The following DNAAF4 variants were observed in gnomAD, a reference collection of about 807,000 sequenced individuals.
The protein encoded by DNAAF4 is dynein assembly factor 4, axonemal.
In DNAAF4, 43 loss-of-function variants were observed where a neutral mutation model predicts 51.8. The observed-to-expected ratio is 0.83, with a 90% CI of 0.65 to 1.07. The LOEUF is 1.07. DNAAF4 is among the 50% of genes least tolerant of loss of function. The pLI, the probability that DNAAF4 is intolerant of heterozygous loss-of-function variation, is 0.00. For synonymous variants in DNAAF4, 194 were observed against 165.6 expected (o/e 1.17, Z -1.32); for missense variants, 581 against 493.0 (o/e 1.18, Z -1.69).
At chr15:55,429,758 A>G (rs1239386630), downstream of DNAAF4, among the ~76,000 whole-genome samples, 1 of 151,612 alleles carries the variant, frequency 6.6e-6, no homozygotes. Context: ...CAGAGCTTGC[A>G]GTGAGCCAAG....
intron 2 of DNAAF4, 38 bp from the exon 3 acceptor site, chr15:55,497,897 C>G (rs1036159340): frequency 6.4e-7 from 1 of 1,567,554 alleles, no homozygotes. Context: ...AAGTTAGTTA[C>G]ACAAATTAAG....
chr15:55,501,252 C>T (rs570878316), intron 1 of DNAAF4, among the ~76,000 whole-genome samples: 2 of 151,650 alleles, frequency 1.3e-5, no homozygotes, highest in South Asian at 2.1e-4. Flanking sequence ...TTAGTAGGGA[C>T]GGGGTTTCAC....
intron 6 of DNAAF4, among the ~76,000 whole-genome samples, chr15:55,445,162 G>T (rs562068377): frequency 6.6e-6 from 1 of 151,250 alleles, no homozygotes; most frequent in African/African-American, 2.4e-5. Context: ...AAAGGTCTCT[G>T]GTTTTCCTAG....
intron 3 of DNAAF4, among the ~76,000 whole-genome samples, chr15:55,494,031 G>GTTT (rs58176526): frequency 1.4e-5 from 2 of 138,156 alleles, no homozygotes; most frequent in African/African-American, 2.6e-5. Flanking sequence ...TTTCTTTCTT[G>GTTT]TTTTTTTTTT....
chr15:55,445,983 C>A (rs2057798329), intron 6 of DNAAF4, among the ~76,000 whole-genome samples: 1 of 145,870 alleles, frequency 6.9e-6, no homozygotes, highest in Admixed American at 6.8e-5. Flanking sequence ...AGGCGCTCCT[C>A]ACATCCCAGA....
intron 7 of DNAAF4, chr15:55,418,741 A>G: frequency 1.9e-6 from 1 of 520,966 alleles, no homozygotes; most frequent in Non-Finnish European, 3.3e-6. Flanking sequence ...TTAAATGAAA[A>G]TATGTTCAAA....
Position 55,450,494 on chromosome 15 carries a change from G to C in DNAAF4, c.638-127C>G, listed in dbSNP as rs146625092. 716 of 1,147,066 alleles carry C rather than the reference G, an allele frequency of 6.2e-4. 5 individuals are homozygous for C. The African/African-American group carries it at 0.01, about 16-fold the overall frequency. 71.1% of individuals were successfully genotyped at this position (1,147,066 alleles called of 1,614,324 possible). A position where few individuals can be genotyped will look rare whatever the true frequency, so the allele number is the denominator to read the frequency against. On this transcript the variant is annotated intron_variant, in intron 5 of 9. Coordinates refer to ENST00000321149, the MANE Select transcript of DNAAF4 (RefSeq NM_130810.4). ...AACAAATAAATCAAATATATTTTCT[G>C]CAAGAAAAGAATGCAAAATTTAGCA...
At chr15:55,481,254 G>T (rs1036903074) in intron 4 of DNAAF4, among the ~76,000 whole-genome samples, 1 of 152,126 alleles carries the variant, frequency 6.6e-6, no homozygotes, top group Non-Finnish European at 1.5e-5. Flanking sequence ...TAGAGGGAAA[G>T]CACTGTTTTC....
chr15:55,473,794 C>T (rs904400682), intron 4 of DNAAF4, among the ~76,000 whole-genome samples: 1 of 151,978 alleles, frequency 6.6e-6, no homozygotes, highest in East Asian at 1.9e-4. Flanking sequence ...AGTTCGAGAC[C>T]AGCCTGGCCA....
chr15:55,421,995 G>A (rs1012702221), intron 7 of DNAAF4, among the ~76,000 whole-genome samples: 4 of 150,636 alleles, frequency 2.7e-5, no homozygotes, highest in East Asian at 1.9e-4. Flanking sequence ...ATGGAGTTTA[G>A]ATTCTAATGA....
chr15:55,437,000 A>G (rs1177946461), intron 7 of DNAAF4, among the ~76,000 whole-genome samples: 1 of 151,072 alleles, frequency 6.6e-6, no homozygotes. Flanking sequence ...TTGTACTTTT[A>G]GTAAAGACAG....
At chr15:55,476,031 G>GA (rs1472653241) in intron 4 of DNAAF4, among the ~76,000 whole-genome samples, 4 of 152,054 alleles carry the variant, frequency 2.6e-5, no homozygotes, top group African/African-American at 9.7e-5. Context: ...AGTACCGACA[G>GA]AAAAAAACAG....
At chr15:55,425,002 A>T (rs966706779) in intron 7 of DNAAF4, among the ~76,000 whole-genome samples, 1 of 151,956 alleles carries the variant, frequency 6.6e-6, no homozygotes, top group Non-Finnish European at 1.5e-5. Context: ...AGTAGCTGGG[A>T]TTACAGGCAT....
intron 6 of DNAAF4, among the ~76,000 whole-genome samples, chr15:55,441,640 A>C (rs2057716289): frequency 6.9e-6 from 1 of 145,610 alleles, no homozygotes; most frequent in East Asian, 2.0e-4. Context: ...TTCAATTCCC[A>C]CCTATGAGTG....
chr15:55,433,906 A>ACATATAT (rs2057549542), intron 8 of DNAAF4, among the ~76,000 whole-genome samples: 1 of 11,978 alleles, frequency 8.3e-5, no homozygotes, highest in Non-Finnish European at 1.3e-4. Flanking sequence ...TATATATATT[A>ACATATAT]TATATAATTA....
chr15:55,450,206 G>C lies in DNAAF4; in HGVS notation c.783+16C>G, dbSNP rs765949720. ...TTTTCATTTGTGGTAATTGTAACTA[G>C]AGTAAGTATATATACCTCCTCCTCT... is the stretch of plus-strand genomic sequence containing the variant. On this transcript the variant is annotated intron_variant, in intron 6 of 9. Transcript: ENST00000321149. The C allele has an allele frequency of 3.2e-6, 5 of 1,579,896 alleles. No homozygotes were observed. The highest frequency in any genetic ancestry group is 2.2e-5 in the East Asian group (1 of 44,550).
At position 55,436,946 on chromosome 15, in the gene DNAAF4, G is replaced by A. The variant is rs565708705; in HGVS notation, c.894-1888C>T. ...AGCAATTCTCCTGCCTCAGCCTCCC[G>A]AGTAGCTGGGATTACAGGTATGCGC... On this transcript the variant is annotated intron_variant, in intron 7 of 9. Transcript: ENST00000321149. Among the ~76,000 whole-genome samples the A allele has an allele frequency of 3.9e-5, 6 of 152,086 alleles. No homozygotes were observed. The East Asian group carries it at 1.2e-3, about 29-fold the overall frequency.
intron 7 of DNAAF4, chr15:55,418,372 GA>G: frequency 6.5e-7 from 1 of 1,537,006 alleles, no homozygotes; most frequent in Non-Finnish European, 8.7e-7. Flanking sequence ...AACCTCAAAT[GA>G]TTATGTATAA....
intron 5 of DNAAF4, among the ~76,000 whole-genome samples, chr15:55,465,025 G>C (rs908244749): frequency 2.0e-5 from 3 of 152,140 alleles, no homozygotes; most frequent in Non-Finnish European, 4.4e-5. Context: ...AATTATTAGG[G>C]AAATGCAAAT....
Sources: allele counts gnomAD v4.1 joint callset (sites outside exome capture counted in the v4.1 genomes callset), GRCh38; gene constraint gnomAD v4.1.1; transcripts MANE v1.5; gene names NCBI Gene and HGNC (gene_info 2026-07-23, HGNC 2026-07-21).